The following UGT1A7 variants were observed in gnomAD, a reference collection of about 807,000 sequenced individuals.
UGT1A7 encodes UDP-glucuronosyltransferase 1A7.
A neutral mutation model predicts 45.6 loss-of-function variants in UGT1A7; 33 were observed. The observed-to-expected ratio is 0.72, with a 90% confidence interval of 0.55 to 0.97. The LOEUF (loss-of-function observed/expected upper bound fraction) is 0.97, where lower values mean the gene tolerates loss of function less well. Ranked by LOEUF, UGT1A7 falls within the 50% of genes least tolerant of loss-of-function variation. UGT1A7 has a pLI of 0.00. For synonymous variants in UGT1A7, 274 were observed against 250.6 expected, an observed-to-expected ratio of 1.09 and a Z score of -0.88; for missense variants, 684 against 666.2, an observed-to-expected ratio of 1.03 and a Z score of -0.29.
In UGT1A7 at chr2:233,773,103, T is replaced by A. The variant is rs1559421928; in HGVS notation, c.*544T>A. ...CTTGGAGTGCACTGAGAACAGCATATGATTTCTTGCTTTGGGGAAAAAGAA... is the reference window on the plus strand; with the variant it reads ...CTTGGAGTGCACTGAGAACAGCATAAGATTTCTTGCTTTGGGGAAAAAGAA... On this transcript the variant is annotated 3_prime_UTR_variant, in exon 5 of 5. Transcript: ENST00000373426. The A allele has an allele frequency of 6.4e-6, 1 of 156,320 alleles. No individual in the cohort carries two copies. Among genetic ancestry groups the A allele is most frequent in the Non-Finnish European group, 1.4e-5 (1 of 70,266 alleles). 9.7% of individuals were successfully genotyped at this position (156,320 alleles called of 1,614,324 possible).
intron 2 of UGT1A7, among the ~76,000 whole-genome samples, chr2:233,767,578 TTCCCTTAAAGTGC>T (rs1361254822): frequency 6.6e-6 from 1 of 152,218 alleles, no homozygotes; most frequent in African/African-American, 2.4e-5. Context: ...TAAGCAAACT[TTCCCTTAAAGTGC>T]AGGAAAGTGA....
rs1218307967 is a variant in UGT1A7 at position 233,768,238 on chromosome 2, C to G, written c.1094C>G (p.Ala365Gly). 1.2e-6 allele frequency: 2 copies of G among 1,614,074 alleles called. No homozygotes were observed. The highest frequency in any genetic ancestry group is 1.6e-4 in the Middle Eastern group (1 of 6,084). The change falls in exon 4 of 5, where the codon GCC becomes GGC. Residue 365 changes from alanine (A) to glycine (G), a missense_variant. Coordinates refer to ENST00000373426, the MANE Select transcript of UGT1A7 (RefSeq NM_019077.3). ...NDLLGHPMTR[A>G]FITHAGSHGV... Reference sequence around the variant, plus strand: ...ATCTCAGGTCACCCGATGACCCGTGCCTTTATCACCCATGCTGGTTCCCAT... The same window carrying G: ...ATCTCAGGTCACCCGATGACCCGTGGCTTTATCACCCATGCTGGTTCCCAT...
chr2:233,687,987 G>T (rs1377329144), intron 1 of UGT1A7, among the ~76,000 whole-genome samples: 1 of 152,150 alleles, frequency 6.6e-6, no homozygotes, highest in Non-Finnish European at 1.5e-5. Flanking sequence ...AAATTCAGTG[G>T]TTTTCTGTGT....
intron 1 of UGT1A7, among the ~76,000 whole-genome samples, chr2:233,710,692 G>C (rs976331221): frequency 2.6e-5 from 4 of 152,100 alleles, no homozygotes; most frequent in African/African-American, 9.7e-5. Context: ...TTTACTTCTG[G>C]TGTGTGGTGT....
rs898843151 is a variant in UGT1A7 at position 233,691,697 on chromosome 2, G to A, written c.855+8905G>A. On this transcript the variant is annotated intron_variant, in intron 1 of 4. Transcript: ENST00000373426. ...TTGAGAAACCTGAAGCTCAGGAGAG[G>A]AGTCACTCCCCTGGCAGATGGGTGG... 9.0e-6 allele frequency: 6 copies of A among 668,066 alleles called. No individual in the cohort carries two copies. The African/African-American group carries it at 1.2e-4, about 13-fold the overall frequency. The allele number at this position is 668,066 out of a possible 1,614,324, so 41.4% of individuals were successfully genotyped here. A position where few individuals can be genotyped will look rare whatever the true frequency, so the allele number is the denominator to read the frequency against.
intron 1 of UGT1A7, chr2:233,719,816 T>A: frequency 6.3e-7 from 1 of 1,580,710 alleles, no homozygotes; most frequent in Non-Finnish European, 8.6e-7. Context: ...TTATAACAGA[T>A]AAACTGTTGA....
chr2:233,760,446 G>A lies in UGT1A7; in HGVS notation c.856-6588G>A, dbSNP rs149071335. 6.1e-5 allele frequency: 98 copies of A among 1,614,210 alleles called. No homozygotes were observed. The African/African-American group carries it at 1.2e-3, about 20-fold the overall frequency. On this transcript the variant is annotated intron_variant, in intron 1 of 4. Coordinates refer to ENST00000373426, the MANE Select transcript of UGT1A7 (RefSeq NM_019077.3). ...GGGCCATCCAGCAGCTGCAGCAGAGGGGACATGAAATAGTTGTCCTAGCAC... is the reference window on the plus strand; with the variant it reads ...GGGCCATCCAGCAGCTGCAGCAGAGAGGACATGAAATAGTTGTCCTAGCAC...
intron 1 of UGT1A7, chr2:233,729,122 C>T (rs559883875): frequency 1.6e-5 from 26 of 1,613,092 alleles, no homozygotes; most frequent in Middle Eastern, 3.8e-4. Context: ...GTGTCTTCTG[C>T]TGAGATGGCC....
At chr2:233,721,341 A>G (rs1240342005) in intron 1 of UGT1A7, among the ~76,000 whole-genome samples, 4 of 152,142 alleles carry the variant, frequency 2.6e-5, no homozygotes, top group Admixed American at 2.6e-4. Context: ...CACTATGAAT[A>G]TATTCTTTAG....
At chr2:233,719,662 G>A in intron 1 of UGT1A7, 6 of 1,614,092 alleles carry the variant, frequency 3.7e-6, no homozygotes, top group Non-Finnish European at 5.1e-6. Flanking sequence ...GGCATCAACT[G>A]TGCCAACGGG....
At chr2:233,698,912 G>A (rs1019519579) in intron 1 of UGT1A7, among the ~76,000 whole-genome samples, 1 of 152,230 alleles carries the variant, frequency 6.6e-6, no homozygotes, top group South Asian at 2.1e-4. Context: ...CCCAAGGAGG[G>A]ACGTGGCCGT....
intron 1 of UGT1A7, chr2:233,747,984 C>G: frequency 6.2e-7 from 1 of 1,613,422 alleles, no homozygotes; most frequent in South Asian, 1.1e-5. Context: ...GTGGCTGTTC[C>G]GAGGGGACTT....
chr2:233,760,803 G>T lies in UGT1A7; in HGVS notation c.856-6231G>T, dbSNP rs748734877. 2.5e-6 allele frequency: 4 copies of T among 1,613,224 alleles called. No individual in the cohort carries two copies. The highest frequency in any genetic ancestry group is 3.3e-5 in the Admixed American group (2 of 59,970). ...TGTCTCTGCCCACTGTATTCTTCTT[G>T]CATGCACTGCCATGCAGCCTGGAAT... On this transcript the variant is annotated intron_variant, in intron 1 of 4. Transcript: ENST00000373426.
At chr2:233,732,524 A>G (rs1199898466) in intron 1 of UGT1A7, among the ~76,000 whole-genome samples, 2 of 152,212 alleles carry the variant, frequency 1.3e-5, no homozygotes, top group African/African-American at 2.4e-5. Context: ...AGCTTTCTAC[A>G]TATGGCCAGT....
At chr2:233,713,517 A>G (rs191789950) in intron 1 of UGT1A7, 2 of 1,613,958 alleles carry the variant, frequency 1.2e-6, no homozygotes, top group Non-Finnish European at 1.7e-6. Context: ...CTTGAGGAAC[A>G]TTCCATGTGA....
chr2:233,711,531 C>T (rs1251081299), intron 1 of UGT1A7, among the ~76,000 whole-genome samples: 4 of 152,194 alleles, frequency 2.6e-5, no homozygotes, highest in African/African-American at 7.2e-5. Context: ...CACAACTCCC[C>T]GGGAATCATC....
At chr2:233,746,322 CTA>C (rs780402376) in intron 1 of UGT1A7, among the ~76,000 whole-genome samples, 9 of 151,756 alleles carry the variant, frequency 5.9e-5, no homozygotes, top group Non-Finnish European at 1.0e-4. Flanking sequence ...TGTAGATGAT[CTA>C]CAGGGCAATG....
In UGT1A7 at chr2:233,743,994, T is replaced by C. The variant is rs60469444; in HGVS notation, c.856-23040T>C. 7.2e-6 allele frequency: 9 copies of C among 1,253,056 alleles called. No individual in the cohort carries two copies. The East Asian group carries it at 2.0e-4, about 28-fold the overall frequency. 77.6% of individuals were successfully genotyped at this position (1,253,056 alleles called of 1,614,324 possible). On this transcript the variant is annotated intron_variant, in intron 1 of 4. Coordinates refer to ENST00000373426, the MANE Select transcript of UGT1A7 (RefSeq NM_019077.3). The stretch of plus-strand genomic sequence containing the variant: ...GCCAGCACCCAGGCGCAGGCCCGAG[T>C]GCTCGGAGACCTGGGCCGCCTGGAG...
intron 1 of UGT1A7, chr2:233,721,605 A>G: frequency 5.6e-6 from 1 of 177,388 alleles, no homozygotes; most frequent in Non-Finnish European, 1.2e-5. Context: ...AGGTTTAGGA[A>G]CAATTTGTTC....
Sources: allele counts gnomAD v4.1 joint callset (sites outside exome capture counted in the v4.1 genomes callset), GRCh38; gene constraint gnomAD v4.1.1; transcripts MANE v1.5; gene names NCBI Gene and HGNC (gene_info 2026-07-23, HGNC 2026-07-21).